Variants in FAF1 observed in about 807,000 individuals in gnomAD.
The protein encoded by FAF1 is Fas associated factor 1, also known as FAS-associated factor 1.
Under a neutral mutation model 92.5 loss-of-function variants are expected in FAF1, and 25 were observed. That is an observed-to-expected ratio of 0.27 (90% CI 0.20 to 0.38). FAF1 has a LOEUF of 0.38. Ranked by LOEUF, FAF1 falls within the 10% of genes least tolerant of loss-of-function variation. The pLI is 1.00. For missense variants in FAF1, 636 were observed against 793.3 expected (o/e 0.80, Z 2.38); for synonymous variants, 234 against 273.2 (o/e 0.86, Z 1.42).
intron 8 of FAF1, among the ~76,000 whole-genome samples, chr1:50,628,810 TATTCACCTAAAGAAC>T (rs2124200693): frequency 6.6e-6 from 1 of 152,338 alleles, no homozygotes; most frequent in East Asian, 1.9e-4. Flanking sequence ...CAGTGAACAT[TATTCACCTAAAGAAC>T]ACAGATGACA....
intron 1 of FAF1, among the ~76,000 whole-genome samples, chr1:50,895,099 T>A (rs944564694): frequency 4.0e-5 from 6 of 151,382 alleles, no homozygotes. Context: ...TAAAAGCTGG[T>A]TTTTAGAAAA....
chr1:50,952,696 T>C (rs1361573395), intron 1 of FAF1, among the ~76,000 whole-genome samples: 1 of 146,956 alleles, frequency 6.8e-6, no homozygotes, highest in Non-Finnish European at 1.5e-5. Flanking sequence ...TCGTCTGAGA[T>C]GTGGGGAGCG....
At chr1:50,446,769 A>C (rs12134715) in intron 18 of FAF1, among the ~76,000 whole-genome samples, 7,364 of 152,274 alleles carry the variant, frequency 0.048, 211 homozygotes, top group East Asian at 0.075. Context: ...TTTCACTTTT[A>C]GAAAAAATGC....
chr1:50,747,693 G>C (rs559306131), intron 4 of FAF1, among the ~76,000 whole-genome samples: 1 of 152,154 alleles, frequency 6.6e-6, no homozygotes, highest in Admixed American at 6.5e-5. Flanking sequence ...GAGGGGCCAC[G>C]GGTGAAATAA....
intron 4 of FAF1, among the ~76,000 whole-genome samples, chr1:50,760,490 T>A (rs139042974): frequency 3.3e-5 from 5 of 152,272 alleles, no homozygotes; most frequent in African/African-American, 1.2e-4. Flanking sequence ...AAACTGTCTC[T>A]CAGACCACGG....
intron 8 of FAF1, among the ~76,000 whole-genome samples, chr1:50,640,300 T>G (rs1023950222): frequency 8.2e-4 from 124 of 151,888 alleles, no homozygotes; most frequent in African/African-American, 2.9e-3. Context: ...GGCAAGTTTT[T>G]TTTTTTTTTT....
rs550940015 is a variant in FAF1, at chr1:50,586,629, C to T, written c.841-1818G>A. Among the ~76,000 whole-genome samples, 17 of 152,268 alleles carry T rather than the reference C, an allele frequency of 1.1e-4. No individual in the cohort carries two copies. In the East Asian group the frequency reaches 1.7e-3, roughly 16 times the overall value. ...CCTGCCATCTTAACTCTACTTCTCA[C>T]GGAAACACTGGTCCTCCTCCCTTAA... On this transcript the variant is annotated intron_variant, in intron 9 of 18. Coordinates refer to ENST00000396153, the MANE Select transcript of FAF1 (RefSeq NM_007051.3).
intron 8 of FAF1, among the ~76,000 whole-genome samples, chr1:50,649,796 A>AG (rs1557455508): frequency 2.6e-5 from 4 of 151,268 alleles, no homozygotes; most frequent in East Asian, 1.9e-4. Flanking sequence ...AAAAAAAAAA[A>AG]AAAAAGAAAA....
chr1:50,509,581 T>C (rs573252142), intron 15 of FAF1, among the ~76,000 whole-genome samples: 1 of 152,128 alleles, frequency 6.6e-6, no homozygotes, highest in Non-Finnish European at 1.5e-5. Context: ...CACTGCATTC[T>C]AGCTTGGGCA....
At chr1:50,582,541 A>G (rs1651040134) in intron 12 of FAF1, 77 bp downstream of exon 12, 2 of 901,714 alleles carry the variant, frequency 2.2e-6, no homozygotes, top group South Asian at 2.9e-5. Context: ...AACAGAAAAC[A>G]TTTAAGCATT....
chr1:50,858,165 G>A (rs969804537), intron 1 of FAF1, among the ~76,000 whole-genome samples, 168 bp from the exon 2 acceptor site: 1 of 151,692 alleles, frequency 6.6e-6, no homozygotes, highest in Non-Finnish European at 1.5e-5. Context: ...TATATGGTGT[G>A]AACATTGTTA....
intron 18 of FAF1, among the ~76,000 whole-genome samples, chr1:50,468,514 C>A (rs570093783): frequency 1.7e-3 from 248 of 148,032 alleles, no homozygotes; most frequent in Non-Finnish European, 2.5e-3. Context: ...GGCTGGAGTA[C>A]AGTGGTGCAA....
intron 1 of FAF1, among the ~76,000 whole-genome samples, chr1:50,938,513 C>T (rs1352136469): frequency 6.6e-6 from 1 of 152,146 alleles, no homozygotes; most frequent in African/African-American, 2.4e-5. Flanking sequence ...ATATTTTCTC[C>T]CATTCTGTAG....
intron 8 of FAF1, among the ~76,000 whole-genome samples, chr1:50,603,080 G>A (rs1257152590): frequency 2.6e-5 from 4 of 152,022 alleles, no homozygotes. Flanking sequence ...TAAAACTCAG[G>A]CACTTTATCT....
At chr1:50,768,080 T>C (rs1405290219) in intron 4 of FAF1, among the ~76,000 whole-genome samples, 2 of 152,000 alleles carry the variant, frequency 1.3e-5, no homozygotes, top group African/African-American at 4.8e-5. Flanking sequence ...ACCCACTGGC[T>C]AAAAGTAAAG....
At chr1:50,759,488 T>A (rs540000290) in intron 4 of FAF1, among the ~76,000 whole-genome samples, 8 of 152,112 alleles carry the variant, frequency 5.3e-5, no homozygotes, top group South Asian at 2.1e-4. Flanking sequence ...AACTCATCAT[T>A]TTTTATGGCT....
intron 8 of FAF1, among the ~76,000 whole-genome samples, chr1:50,607,608 A>C (rs1322755511): frequency 6.6e-6 from 1 of 152,002 alleles, no homozygotes; most frequent in Non-Finnish European, 1.5e-5. Context: ...CCATCTGTCT[A>C]TTTCTTAGGC....
intron 13 of FAF1, among the ~76,000 whole-genome samples, chr1:50,554,583 G>GA (rs1454188597): frequency 6.6e-6 from 1 of 151,864 alleles, no homozygotes; most frequent in Non-Finnish European, 1.5e-5. Context: ...GTTACAAAAC[G>GA]AAAGAGGAAG....
intron 8 of FAF1, among the ~76,000 whole-genome samples, chr1:50,600,233 T>G (rs1314610626): frequency 6.6e-6 from 1 of 152,160 alleles, no homozygotes; most frequent in Non-Finnish European, 1.5e-5. Context: ...TTGTGATGCG[T>G]TCAGTGGTTA....
Sources: gnomAD v4.1 joint callset for allele counts (sites outside exome capture counted in the v4.1 genomes callset) on GRCh38, gnomAD v4.1.1 for gene constraint, MANE v1.5 for transcripts, NCBI Gene and HGNC (gene_info 2026-07-23, HGNC 2026-07-21) for gene names.